Variants in THY1 observed in about 807,000 individuals in gnomAD.
THY1 encodes the protein Thy-1 cell surface antigen.
In THY1, 10 loss-of-function variants were observed where a neutral mutation model predicts 14.9. That is an observed-to-expected ratio of 0.67 (90% CI 0.41 to 1.14). The LOEUF is 1.14. THY1 is among the 50% of genes most tolerant of loss of function. THY1 has a pLI of 0.00. For missense variants in THY1, 159 were observed against 202.1 expected (o/e 0.79, Z 1.29); for synonymous variants, 80 against 90.0 (o/e 0.89, Z 0.63).
upstream of THY1, chr11:119,423,705 GAGGC>G (rs1027414313): frequency 7.7e-5 from 13 of 169,112 alleles, no homozygotes; most frequent in Non-Finnish European, 1.3e-4. Flanking sequence ...CTTCGGAAGC[GAGGC>G]AGGTGCTGGA....
In THY1 at chr11:119,420,270, A is replaced by T. The variant is rs1861872053; in HGVS notation, c.154T>A (p.Phe52Ile). 1 of 1,614,172 alleles carries T rather than the reference A, an allele frequency of 6.2e-7. No individual in the cohort carries two copies. The highest frequency in any genetic ancestry group is 1.3e-5 in the African/African-American group (1 of 75,040). ...TTCTTTGTCTCACGGGTCAGGCTGA[A>T]CTCGTACTGGATGGGTGAACTGCTG... The part of the protein sequence containing the change: ...NTSSSPIQYE[F>I]SLTRETKKHV... Residue 52 changes from phenylalanine to isoleucine, a missense_variant, in exon 3 of 4, where the codon TTC becomes ATC. Coordinates refer to ENST00000284240, the MANE Select transcript of THY1 (RefSeq NM_006288.5).
chr11:119,416,785 T>C lies in THY1; in HGVS notation c.*2623A>G, dbSNP rs1012188386. On this transcript the variant is annotated 3_prime_UTR_variant, in exon 4 of 4. Coordinates refer to ENST00000284240, the MANE Select transcript of THY1 (RefSeq NM_006288.5). Reference sequence around the variant, plus strand: ...GGTAGGTTTGCGTTGTGAGGCCTGATGCCCTGTTCTTCTCTTCTCCTTTCC... The same window carrying C: ...GGTAGGTTTGCGTTGTGAGGCCTGACGCCCTGTTCTTCTCTTCTCCTTTCC... Among the ~76,000 whole-genome samples the C allele has an allele frequency of 2.6e-5, 4 of 152,240 alleles. No individual in the cohort carries two copies. Among genetic ancestry groups the C allele is most frequent in the East Asian group, 1.9e-4 (1 of 5,198 alleles).
chr11:119,420,418 G>T, intron 2 of THY1, 32 bp from the exon 3 acceptor site: 1 of 1,569,706 alleles, frequency 6.4e-7, no homozygotes, highest in Non-Finnish European at 8.6e-7. Context: ...TCAAACTGGA[G>T]GGGCCTGCGG....
At chr11:119,424,548 A>T (rs1861981378), upstream of THY1, among the ~76,000 whole-genome samples, 1 of 152,120 alleles carries the variant, frequency 6.6e-6, no homozygotes, top group South Asian at 2.1e-4. Flanking sequence ...ATTTAGGGTG[A>T]TGGAACACTC....
upstream of THY1, chr11:119,423,381 C>T (rs932847306): frequency 2.8e-6 from 1 of 361,630 alleles, no homozygotes. Context: ...GCTGGCAGGC[C>T]TGGCCAGGGA....
intron 2 of THY1, 36 bp downstream of exon 2, chr11:119,420,833 G>A (rs747065868): frequency 1.2e-6 from 2 of 1,613,558 alleles, no homozygotes; most frequent in Non-Finnish European, 1.7e-6. Flanking sequence ...GGAAGCCAGG[G>A]CGCCTGGAGC....
Position 119,416,057 on chromosome 11 carries a change from G to T in THY1, c.*3351C>A, listed in dbSNP as rs1424591752. On this transcript the variant is annotated 3_prime_UTR_variant, in exon 4 of 4. Transcript: ENST00000284240. ...TAGATTTCTTGGTTGGCCAGTGAAA[G>T]TCCCCACATCTCACGGAGATCCCCA... 6.7e-6 allele frequency among the ~76,000 whole-genome samples: 1 copy of T among 149,750 alleles called. No individual in the cohort carries two copies. The highest frequency in any genetic ancestry group is 1.5e-5 in the Non-Finnish European group (1 of 67,174).
At chr11:119,420,717 A>T in intron 2 of THY1, 152 bp downstream of exon 2, 2 of 964,846 alleles carry the variant, frequency 2.1e-6, no homozygotes, top group South Asian at 3.1e-5. Context: ...AGGCCGTCAG[A>T]ATATCAGCGC....
chr11:119,424,061 G>C (rs553939587), upstream of THY1: 1 of 152,440 alleles, frequency 6.6e-6, no homozygotes, highest in African/African-American at 2.4e-5. Flanking sequence ...GAGAGCTGGA[G>C]AACTGACCTG....
chr11:119,424,069 C>T (rs545918201), upstream of THY1: 7 of 152,450 alleles, frequency 4.6e-5, no homozygotes, highest in Admixed American at 3.3e-4. Flanking sequence ...GAGAACTGAC[C>T]TGGGCTATGG....
intron 2 of THY1, 101 bp from the exon 3 acceptor site, chr11:119,420,487 G>T: frequency 1.7e-6 from 2 of 1,190,734 alleles, no homozygotes; most frequent in Non-Finnish European, 2.3e-6. Context: ...GAGGGGACCG[G>T]GGTCTGCTCT....
chr11:119,419,135 A>G lies in THY1; in HGVS notation c.*273T>C, dbSNP rs544056791. The G allele has an allele frequency of 2.3e-5, 10 of 431,218 alleles. No individual in the cohort carries two copies. The highest frequency in any genetic ancestry group is 1.6e-4 in the African/African-American group (8 of 49,484). 26.7% of individuals were successfully genotyped at this position (431,218 alleles called of 1,614,324 possible). ...TGGCTTCCCTCTTCACGAACTCTCA[A>G]AGAAAAGGAAGGATAAAACCTAAAT... On this transcript the variant is annotated 3_prime_UTR_variant, in exon 4 of 4. Transcript: ENST00000284240.
At chr11:119,421,434 A>G (rs1262673544) in intron 1 of THY1, among the ~76,000 whole-genome samples, 1 of 152,210 alleles carries the variant, frequency 6.6e-6, no homozygotes, top group Non-Finnish European at 1.5e-5. Flanking sequence ...TTTCAAAGTA[A>G]AACTCTGTAT....
upstream of THY1, chr11:119,423,180 G>C (rs900011173): frequency 4.4e-6 from 2 of 455,236 alleles, no homozygotes; most frequent in African/African-American, 4.0e-5. Flanking sequence ...GCTGCACCCA[G>C]CTCGGAGCCC....
At chr11:119,424,040 C>T, upstream of THY1, 1 of 152,514 alleles carries the variant, frequency 6.6e-6, no homozygotes, top group Non-Finnish European at 1.5e-5. Context: ...CCTGTCTTGG[C>T]TGGTAAGTGG....
chr11:119,422,504 GC>G lies in THY1; in HGVS notation c.-25+608del. 6.1e-6 allele frequency: 1 copy of G among 164,258 alleles called. No individual in the cohort carries two copies. Among genetic ancestry groups the G allele is most frequent in the Non-Finnish European group, 1.3e-5 (1 of 75,880 alleles). 10.2% of individuals were successfully genotyped at this position (164,258 alleles called of 1,614,324 possible). Reference sequence around the variant, plus strand: ...AAGGTCTGCTCTTCCTCCCTCTCAAGCCCCCGGCGGGCCTCATCCTTAATCC... The same window carrying G: ...AAGGTCTGCTCTTCCTCCCTCTCAAGCCCCGGCGGGCCTCATCCTTAATCC... On this transcript the variant is annotated intron_variant, in intron 1 of 3. Coordinates refer to ENST00000284240, the MANE Select transcript of THY1 (RefSeq NM_006288.5). This position sits in a 1 kb window ranked among gnomAD's most constrained non-coding sequence, Gnocchi z 7.0.
chr11:119,424,089 C>G (rs561220919), upstream of THY1: 3 of 152,212 alleles, frequency 2.0e-5, no homozygotes, highest in Non-Finnish European at 4.4e-5. Flanking sequence ...GACCCCAGCT[C>G]TCAAGGGTGA....
upstream of THY1, chr11:119,423,553 A>ATGCAGGCC: frequency 4.4e-6 from 1 of 228,614 alleles, no homozygotes; most frequent in Admixed American, 5.5e-5. Context: ...GAGGTGCAGG[A>ATGCAGGCC]TGCAGGCCGG....
chr11:119,422,349 A>C lies in THY1; in HGVS notation c.-25+764T>G, dbSNP rs1316619391. On this transcript the variant is annotated intron_variant, in intron 1 of 3. Coordinates refer to ENST00000284240, the MANE Select transcript of THY1 (RefSeq NM_006288.5). This position sits in a 1 kb window ranked among gnomAD's most constrained non-coding sequence, Gnocchi z 7.0. The stretch of plus-strand genomic sequence containing the variant: ...GGAAGGGGGAGCAATGGCCAGAGCA[A>C]GAAAGGGAAGAAATGGGTCTGGGGC... 6.6e-6 allele frequency: 1 copy of C among 152,498 alleles called. No homozygotes were observed. The highest frequency in any genetic ancestry group is 1.5e-5 in the Non-Finnish European group (1 of 68,264). The allele number at this position is 152,498 out of a possible 1,614,324, so 9.4% of individuals were successfully genotyped here. A position where few individuals can be genotyped will look rare whatever the true frequency, so the allele number is the denominator to read the frequency against.
Sources: gnomAD v4.1 joint callset for allele counts (sites outside exome capture counted in the v4.1 genomes callset) on GRCh38, gnomAD v4.1.1 for gene constraint, Gnocchi (gnomAD v3.1) non-coding constraint, MANE v1.5 for transcripts, NCBI Gene and HGNC (gene_info 2026-07-23, HGNC 2026-07-21) for gene names.